FRAS1: variants seen among roughly 807,000 people sequenced by gnomAD.
The protein encoded by FRAS1 is Fraser extracellular matrix complex subunit 1, also known as extracellular matrix organizing protein FRAS1.
Under a neutral mutation model 435.2 loss-of-function variants are expected in FRAS1, and 290 were observed. The ratio of observed to expected loss-of-function variants is 0.67; its 90% CI spans 0.61 to 0.73. The LOEUF is 0.73. Among genes scored for constraint, FRAS1 ranks in the 30% least tolerant of loss-of-function variants. The probability of loss-of-function intolerance (pLI) is 0.00; values close to 1 mark genes in which losing one functional copy is unlikely to be tolerated. For synonymous variants in FRAS1, 1,800 were observed against 1,851.0 expected (o/e 0.97, Z 0.71); for missense variants, 4,860 against 5,001.5 (o/e 0.97, Z 0.85).
At chr4:78,487,244 A>G (rs1451313218) in intron 58 of FRAS1, among the ~76,000 whole-genome samples, 1 of 152,224 alleles carries the variant, frequency 6.6e-6, no homozygotes, top group African/African-American at 2.4e-5. Flanking sequence ...AAGCAGTATC[A>G]TCTGACTTTT....
intron 38 of FRAS1, among the ~76,000 whole-genome samples, chr4:78,436,886 T>C (rs1199991831): frequency 1.3e-5 from 2 of 152,196 alleles, no homozygotes; most frequent in Non-Finnish European, 2.9e-5. Flanking sequence ...ATGTTAGTTA[T>C]TCTCAAAGCT....
Position 78,286,429 on chromosome 4 carries a change from G to A in FRAS1, c.1424G>A (p.Cys475Tyr). ...GCCTGCCAGCCCCAGTGCTCCACGT[G>A]TACCAGTGGGCTGGAGTGCTCATCC... ...CLACQPQCST[C>Y]TSGLECSSCQ... The change falls in exon 14 of 74, where the codon TGT becomes TAT. Residue 475 changes from cysteine (C) to tyrosine (Y), a missense_variant. Cys to Tyr is a radical substitution (Grantham distance 194). Transcript: ENST00000512123. 6.2e-7 allele frequency: 1 copy of A among 1,613,602 alleles called. No individual in the cohort carries two copies. The highest frequency in any genetic ancestry group is 8.5e-7 in the Non-Finnish European group (1 of 1,179,890).
chr4:78,273,406 A>G (rs1246300273), intron 9 of FRAS1, among the ~76,000 whole-genome samples: 1 of 152,156 alleles, frequency 6.6e-6, no homozygotes, highest in Admixed American at 6.5e-5. Flanking sequence ...TTCAAAGGGA[A>G]TGCTTCCAGT....
intron 53 of FRAS1, among the ~76,000 whole-genome samples, chr4:78,474,480 C>G (rs1314879362): frequency 6.6e-6 from 1 of 152,198 alleles, no homozygotes; most frequent in East Asian, 1.9e-4. Flanking sequence ...GGCTATTCTA[C>G]TCTTACACAC....
chr4:78,105,807 G>A (rs1180488087), intron 2 of FRAS1, among the ~76,000 whole-genome samples: 4 of 151,278 alleles, frequency 2.6e-5, no homozygotes, highest in East Asian at 1.9e-4. Context: ...CGCAGAAGAC[G>A]GATGATTTCT....
At chr4:78,493,199 G>A (rs1324301828) in intron 59 of FRAS1, among the ~76,000 whole-genome samples, 1 of 152,196 alleles carries the variant, frequency 6.6e-6, no homozygotes, top group Non-Finnish European at 1.5e-5. Flanking sequence ...CTTTTACACT[G>A]TTGGTGGGAG....
At chr4:78,437,820 C>T (rs1449234908) in intron 38 of FRAS1, among the ~76,000 whole-genome samples, 1 of 152,150 alleles carries the variant, frequency 6.6e-6, no homozygotes, top group Non-Finnish European at 1.5e-5. Context: ...ATGTTGCCTG[C>T]CTCCCAGATA....
intron 58 of FRAS1, among the ~76,000 whole-genome samples, chr4:78,487,142 C>T (rs969685450): frequency 2.6e-5 from 4 of 152,308 alleles, no homozygotes; most frequent in South Asian, 4.1e-4. Flanking sequence ...TGCCATCCAC[C>T]TTTTAGCAGC....
chr4:78,228,767 A>G (rs1724383891), intron 2 of FRAS1, among the ~76,000 whole-genome samples: 1 of 152,206 alleles, frequency 6.6e-6, no homozygotes, highest in African/African-American at 2.4e-5. Flanking sequence ...ACAGGCTTAG[A>G]TTGTGGCAAG....
intron 29 of FRAS1, among the ~76,000 whole-genome samples, chr4:78,398,975 T>G (rs1732775084): frequency 6.6e-6 from 1 of 151,524 alleles, no homozygotes; most frequent in Non-Finnish European, 1.5e-5. Flanking sequence ...AAGAGCAAAA[T>G]TCTGTCTCAA....
Position 78,464,434 on chromosome 4 carries a change from C to T in FRAS1, c.6889-9C>T. On this transcript the variant is annotated splice_polypyrimidine_tract_variant and intron_variant, in intron 48 of 73. Transcript: ENST00000512123. Reference sequence around the variant, plus strand: ...CAGGTGTCCCACCTGCACTTTCCTGCCATTCTAGGTGACTCAGACTTTCCA... The same window carrying T: ...CAGGTGTCCCACCTGCACTTTCCTGTCATTCTAGGTGACTCAGACTTTCCA... 3 of 1,613,910 alleles carry T rather than the reference C, an allele frequency of 1.9e-6. No homozygotes were observed. The highest frequency in any genetic ancestry group is 2.5e-6 in the Non-Finnish European group (3 of 1,179,820).
intron 2 of FRAS1, among the ~76,000 whole-genome samples, chr4:78,073,976 G>A (rs1025417164): frequency 1.3e-5 from 2 of 152,158 alleles, no homozygotes; most frequent in African/African-American, 2.4e-5. Context: ...GGTTCCCAGA[G>A]TTTATAAGCT....
chr4:78,538,762 A>G (rs554586941), intron 72 of FRAS1, among the ~76,000 whole-genome samples: 2 of 152,114 alleles, frequency 1.3e-5, no homozygotes, highest in South Asian at 4.2e-4. Flanking sequence ...AGACCATCCT[A>G]GCTAACACAG....
chr4:78,509,163 A>T (rs949560114), intron 63 of FRAS1, among the ~76,000 whole-genome samples, 157 bp downstream of exon 63: 8 of 133,846 alleles, frequency 6.0e-5, no homozygotes, highest in African/African-American at 2.4e-4. Context: ...TACATAAGAA[A>T]AGGTTATATG....
intron 2 of FRAS1, among the ~76,000 whole-genome samples, chr4:78,194,059 G>A (rs1450789466): frequency 2.0e-5 from 3 of 152,140 alleles, no homozygotes; most frequent in Non-Finnish European, 4.4e-5. Context: ...ATGAAATTCT[G>A]GGTTGGAAAT....
intron 29 of FRAS1, among the ~76,000 whole-genome samples, chr4:78,400,116 C>T (rs568056743): frequency 6.6e-6 from 1 of 152,240 alleles, no homozygotes; most frequent in East Asian, 1.9e-4. Flanking sequence ...TAAGCTGGGC[C>T]CTCTGTCTGG....
At chr4:78,274,945 G>A (rs1726917719) in intron 9 of FRAS1, among the ~76,000 whole-genome samples, 1 of 152,182 alleles carries the variant, frequency 6.6e-6, no homozygotes, top group Non-Finnish European at 1.5e-5. Flanking sequence ...TTGTGTGGGA[G>A]TCTAAGTCTC....
At chr4:78,242,529 G>A (rs1007014869) in intron 3 of FRAS1, among the ~76,000 whole-genome samples, 9 of 152,180 alleles carry the variant, frequency 5.9e-5, no homozygotes, top group South Asian at 2.1e-4. Context: ...TCTGCCTCTC[G>A]GGTTCAAGTG....
Position 78,473,456 on chromosome 4 carries a change from T to A in FRAS1, c.7541T>A (p.Leu2514Ter). 1 of 1,612,968 alleles carries A rather than the reference T, an allele frequency of 6.2e-7. No homozygotes were observed. Among genetic ancestry groups the A allele is most frequent in the Non-Finnish European group, 8.5e-7 (1 of 1,179,314 alleles). Reference protein sequence around the residue: ...TFTQEDVNLGLIRYVLHKEKI... With the variant: ...TFTQEDVNLG ...CTCACAGAGGATGTGAACTTGGGGTTGATTCGTTATGTGTTGCACAAGGAG... is the reference window on the plus strand; with the variant it reads ...CTCACAGAGGATGTGAACTTGGGGTAGATTCGTTATGTGTTGCACAAGGAG... The change falls in exon 53 of 74, where the codon TTG becomes TAG. Residue 2514 changes from leucine (L) to a stop codon, truncating the protein, a stop_gained. Transcript: ENST00000512123. LOFTEE classifies it high-confidence loss of function.
Sources: gnomAD v4.1 joint callset for allele counts (sites outside exome capture counted in the v4.1 genomes callset) on GRCh38, gnomAD v4.1.1 for gene constraint, MANE v1.5 for transcripts, NCBI Gene and HGNC (gene_info 2026-07-23, HGNC 2026-07-21) for gene names.